The following ABCA8 variants were observed in gnomAD, a reference collection of about 807,000 sequenced individuals.
ABCA8 encodes ABC-type organic anion transporter ABCA8.
In ABCA8, 177 loss-of-function variants were observed where a neutral mutation model predicts 192.3. The observed-to-expected ratio is 0.92, with a 90% CI of 0.81 to 1.04. ABCA8 has a LOEUF of 1.04. Ranked by LOEUF, ABCA8 falls within the 50% of genes least tolerant of loss-of-function variation. The pLI is 0.00. For missense variants in ABCA8, 1,915 were observed against 1,904.8 expected, an observed-to-expected ratio of 1.01 and a Z score of -0.10; for synonymous variants, 642 against 690.2, an observed-to-expected ratio of 0.93 and a Z score of 1.09.
In ABCA8 at chr17:68,871,960, T is replaced by C. The variant is rs765565460; in HGVS notation, c.4632-2181A>G. On this transcript the variant is annotated intron_variant, in intron 37 of 39. Coordinates refer to ENST00000586539, the MANE Select transcript of ABCA8 (RefSeq NM_001288985.2). ...TTATTTTAGAGTGTACTACTTCTAC[T>C]TATAAAAAAGTTAACTGTAAAAAAG... 1.4e-3 allele frequency among the ~76,000 whole-genome samples: 206 copies of C among 152,182 alleles called. 1 individual carries two copies. The highest frequency in any genetic ancestry group is 2.0e-3 in the Non-Finnish European group (137 of 68,032).
chr17:68,898,278 T>C (rs1297322480), intron 21 of ABCA8, among the ~76,000 whole-genome samples: 3 of 152,218 alleles, frequency 2.0e-5, no homozygotes, highest in South Asian at 2.1e-4. Flanking sequence ...GTTTGAGTGA[T>C]GGTTACACCA....
At chr17:68,916,327 G>A (rs560655613) in intron 17 of ABCA8, among the ~76,000 whole-genome samples, 187 of 151,948 alleles carry the variant, frequency 1.2e-3, no homozygotes, top group African/African-American at 4.5e-3. Context: ...TATTAATATT[G>A]CAATATATTG....
chr17:68,929,700 A>T lies in ABCA8; in HGVS notation c.800T>A (p.Leu267His). 6.3e-7 allele frequency: 1 copy of T among 1,592,818 alleles called. No individual in the cohort carries two copies. The highest frequency in any genetic ancestry group is 8.5e-7 in the Non-Finnish European group (1 of 1,173,538). The change falls in exon 8 of 40, where the codon CTC (leucine) becomes CAC (histidine). Residue 267 changes from leucine (L) to histidine (H), a missense_variant and splice_region_variant. Physicochemically the swap from Leu to His is moderately conservative, Grantham distance 99. Coordinates refer to ENST00000586539, the MANE Select transcript of ABCA8 (RefSeq NM_001288985.2). ...MMGLRDSAFWLSWGLLYAGFI... is the reference protein window; with the variant it reads ...MMGLRDSAFWHSWGLLYAGFI... ...ACCAGCATAGAGCAAACCCCAGGAGAGCCTAATGTGGAAACAAAATGTTAT... is the reference window on the plus strand; with the variant it reads ...ACCAGCATAGAGCAAACCCCAGGAGTGCCTAATGTGGAAACAAAATGTTAT...
rs1485656216 is a variant in ABCA8 at position 68,911,896 on chromosome 17, G to A, written c.2139-4017C>T. ...AATCACCATGTTACTGGATTTGAGG[G>A]TGCCCCCTAGTGCTGATACAGCTGC... On this transcript the variant is annotated intron_variant, in intron 17 of 39. Transcript: ENST00000586539. The surrounding 1 kb of genome is among the most constrained non-coding windows in gnomAD (Gnocchi z 5.7). Among the ~76,000 whole-genome samples the A allele has an allele frequency of 6.6e-6, 1 of 152,158 alleles. No individual in the cohort carries two copies. The highest frequency in any genetic ancestry group is 1.5e-5 in the Non-Finnish European group (1 of 68,026).
chr17:68,894,339 C>A (rs571140638), intron 22 of ABCA8, 29 bp from the exon 23 acceptor site: 3 of 1,553,902 alleles, frequency 1.9e-6, no homozygotes, highest in Admixed American at 2.0e-5. Context: ...GATATAAGTT[C>A]TCAAATATCT....
chr17:68,928,414 G>A (rs767690), intron 9 of ABCA8, among the ~76,000 whole-genome samples: 75,165 of 151,972 alleles, frequency 0.49, 19,413 homozygotes, highest in Non-Finnish European at 0.58. Flanking sequence ...GTAAATTGGC[G>A]GCATGAGGGA....
intron 2 of ABCA8, among the ~76,000 whole-genome samples, chr17:68,946,516 C>G (rs939464730): frequency 6.6e-6 from 1 of 152,194 alleles, no homozygotes; most frequent in Non-Finnish European, 1.5e-5. Flanking sequence ...AGGTGAGTCT[C>G]TCTATATCCT....
chr17:68,876,534 T>C lies in ABCA8; in HGVS notation c.4296A>G (p.Ile1432Met), dbSNP rs772975024. 1 of 1,614,090 alleles carries C rather than the reference T, an allele frequency of 6.2e-7. No homozygotes were observed. Among genetic ancestry groups the C allele is most frequent in the Admixed American group, 1.7e-5 (1 of 60,020 alleles). Residue 1432 changes from isoleucine (I) to methionine (M), a missense_variant, in exon 35 of 40, where the codon ATA becomes ATG. Transcript: ENST00000586539. ...IKRKLCFVLS[I>M]LGNPSVVLLD... Reference sequence around the variant, plus strand: ...GAAGCACCACTGACGGGTTCCCCAGTATGCTCAGGACAAAGCACAGCTGCA... The same window carrying C: ...GAAGCACCACTGACGGGTTCCCCAGCATGCTCAGGACAAAGCACAGCTGCA...
In ABCA8 at chr17:68,875,319, T is replaced by C. The variant is rs143569370; in HGVS notation, c.4572A>G (p.Gln1524=). The C allele has an allele frequency of 3.7e-6, 6 of 1,614,038 alleles. No individual in the cohort carries two copies. In the African/African-American group the frequency reaches 6.7e-5, roughly 18 times the overall value. Residue 1524 remains glutamine (Q), a synonymous_variant, in exon 37 of 40, where the codon CAA becomes CAG. Transcript: ENST00000586539. Reference sequence around the variant, plus strand: ...GGATCTCTGCATGGAGGGGCTCCACTTGTGCCAGGTTCTTCACCTTCATCT... The same window carrying C: ...GGATCTCTGCATGGAGGGGCTCCACCTGTGCCAGGTTCTTCACCTTCATCT... The part of the protein sequence containing the change: ...LLEMKVKNLA[Q]VEPLHAEILR...
chr17:68,869,102 C>A (rs1416536777), intron 38 of ABCA8, among the ~76,000 whole-genome samples: 1 of 152,062 alleles, frequency 6.6e-6, no homozygotes, highest in Non-Finnish European at 1.5e-5. Flanking sequence ...TTCCTTAGGG[C>A]AGAGGATAAG....
chr17:68,882,548 G>T, intron 30 of ABCA8, 51 bp downstream of exon 30: 2 of 1,510,070 alleles, frequency 1.3e-6, no homozygotes, highest in South Asian at 1.3e-5. Flanking sequence ...AATCATTAGA[G>T]AATTAGACTG....
chr17:68,871,826 T>A (rs1286626321), intron 37 of ABCA8, among the ~76,000 whole-genome samples: 2 of 152,158 alleles, frequency 1.3e-5, no homozygotes, highest in African/African-American at 4.8e-5. Flanking sequence ...GTGCTGCCAA[T>A]CATAAAAAAG....
chr17:68,884,633 T>A (rs763108469), intron 27 of ABCA8: 24 of 1,221,296 alleles, frequency 2.0e-5, no homozygotes, highest in Non-Finnish European at 2.3e-5. Flanking sequence ...ATCCTGGAGA[T>A]CCGTGCTAAC....
Position 68,917,469 on chromosome 17 carries a change from C to A in ABCA8, c.2048-18G>T, listed in dbSNP as rs200059184. 1.5e-4 allele frequency: 241 copies of A among 1,583,616 alleles called. 1 individual carries two copies. In the East Asian group the frequency reaches 4.3e-3, roughly 28 times the overall value. On this transcript the variant is annotated intron_variant, in intron 16 of 39. Coordinates refer to ENST00000586539, the MANE Select transcript of ABCA8 (RefSeq NM_001288985.2). ...TTTCCTGTCTGAAAAAGAAGAAGAG[C>A]AAAGAAGAAAGTTTGTTAAAAAGTG...
At chr17:68,946,050 AAATTAATTAATT>A (rs34544091) in intron 2 of ABCA8, among the ~76,000 whole-genome samples, 3 of 148,780 alleles carry the variant, frequency 2.0e-5, no homozygotes, top group Non-Finnish European at 4.4e-5. Flanking sequence ...CTTTTTACCA[AAATTAATTAATT>A]AATTAATTAA....
At chr17:68,945,075 G>A (rs1465366670) in intron 2 of ABCA8, among the ~76,000 whole-genome samples, 1 of 152,154 alleles carries the variant, frequency 6.6e-6, no homozygotes, top group African/African-American at 2.4e-5. Context: ...TATGGATGGG[G>A]GAAGGGTAAG....
Position 68,884,366 on chromosome 17 carries a change from G to A in ABCA8, c.3580C>T (p.Arg1194Ter), listed in dbSNP as rs750787159. 22 of 1,590,074 alleles carry A rather than the reference G, an allele frequency of 1.4e-5. No individual in the cohort carries two copies. The highest frequency in any genetic ancestry group is 9.1e-5 in the East Asian group (4 of 43,882). The change falls in exon 28 of 40, where the codon CGA becomes TGA. Residue 1194 changes from arginine to a stop codon, truncating the protein, a stop_gained. Transcript: ENST00000586539. LOFTEE classifies it high-confidence loss of function. ...LLFSSLFSEE[R>*]MDVQPFLVFL... ...ACCAGAAATGGCTGTACATCCATTC[G>A]TTCTTCAGAAAAGAGAGAAGAAAAG... is the stretch of plus-strand genomic sequence containing the variant.
intron 16 of ABCA8, 134 bp from the exon 17 acceptor site, chr17:68,917,585 A>T: frequency 3.4e-6 from 2 of 593,202 alleles, no homozygotes; most frequent in South Asian, 5.1e-5. Context: ...AGGACTCGAT[A>T]AGGACTCAAT....
chr17:68,889,731 C>A (rs1248683571), intron 24 of ABCA8, among the ~76,000 whole-genome samples: 1 of 152,102 alleles, frequency 6.6e-6, no homozygotes, highest in Non-Finnish European at 1.5e-5. Context: ...ACACCCCGAG[C>A]CTGCCTTCTG....
Sources: allele counts gnomAD v4.1 joint callset (sites outside exome capture counted in the v4.1 genomes callset), GRCh38; gene constraint gnomAD v4.1.1; non-coding constraint Gnocchi (gnomAD v3.1); transcripts MANE v1.5; gene names NCBI Gene and HGNC (gene_info 2026-07-23, HGNC 2026-07-21).